The following AGBL4 variants were observed in gnomAD, a reference collection of about 807,000 sequenced individuals.
AGBL4 encodes cytosolic carboxypeptidase 6.
In AGBL4, 58 loss-of-function variants were observed where a neutral mutation model predicts 66.4. That is an observed-to-expected ratio of 0.87 (90% CI 0.71 to 1.09). The LOEUF (loss-of-function observed/expected upper bound fraction) is 1.09, where lower values mean the gene tolerates loss of function less well. Ranked by LOEUF, AGBL4 falls within the 50% of genes least tolerant of loss-of-function variation. The pLI, the probability that AGBL4 is intolerant of heterozygous loss-of-function variation, is 0.00. For missense variants in AGBL4, 579 were observed against 631.0 expected (o/e 0.92, Z 0.88); for synonymous variants, 234 against 222.9 (o/e 1.05, Z -0.44).
At chr1:49,761,761 A>G (rs75848644) in intron 2 of AGBL4, among the ~76,000 whole-genome samples, 12,366 of 152,266 alleles carry the variant, frequency 0.081, 708 homozygotes, top group African/African-American at 0.17. Flanking sequence ...ACTGTTAACC[A>G]TCATCACCTT....
chr1:48,762,614 T>TTG lies in AGBL4; in HGVS notation c.635-99375_635-99374dup, dbSNP rs58396843. Among the ~76,000 whole-genome samples, 524 of 75,120 alleles carry TTG rather than the reference T, an allele frequency of 7.0e-3. 6 individuals are homozygous for TTG. Among genetic ancestry groups the TTG allele is most frequent in the African/African-American group, 0.019 (470 of 25,266 alleles). The allele number at this position is 75,120 out of a possible 152,430, so 49.3% of individuals were successfully genotyped here. ...TAGTTAAATCCAGTCTTTAAGGGTT[T>TTG]TGTGTGTGTGTGTGTGTGTGTGTGT... On this transcript the variant is annotated intron_variant, in intron 6 of 13. Transcript: ENST00000371839.
chr1:49,263,567 T>C (rs1269584434), intron 3 of AGBL4, among the ~76,000 whole-genome samples: 2 of 152,096 alleles, frequency 1.3e-5, no homozygotes, highest in Non-Finnish European at 2.9e-5. Flanking sequence ...TGAGGAAATA[T>C]AAATTAAGAA....
At chr1:50,008,348 G>T (rs542018023) in intron 1 of AGBL4, among the ~76,000 whole-genome samples, 1 of 152,176 alleles carries the variant, frequency 6.6e-6, no homozygotes, top group South Asian at 2.1e-4. Context: ...AAAACTAGAA[G>T]TCAAGAACAA....
intron 1 of AGBL4, among the ~76,000 whole-genome samples, chr1:50,005,457 T>A (rs1661056771): frequency 6.6e-6 from 1 of 152,122 alleles, no homozygotes; most frequent in Non-Finnish European, 1.5e-5. Context: ...AATGCACATA[T>A]AGTTGCAGTA....
intron 5 of AGBL4, among the ~76,000 whole-genome samples, chr1:48,927,568 G>C (rs994991798): frequency 6.6e-6 from 1 of 152,168 alleles, no homozygotes; most frequent in Non-Finnish European, 1.5e-5. Flanking sequence ...TGTGGAGTGA[G>C]GATGAAGTCC....
chr1:49,028,497 T>C (rs1410876174), intron 5 of AGBL4, among the ~76,000 whole-genome samples: 1 of 152,164 alleles, frequency 6.6e-6, no homozygotes, highest in Non-Finnish European at 1.5e-5. Flanking sequence ...GATAAACTCA[T>C]GGAGATCCAC....
At chr1:48,953,659 T>A (rs1398479503) in intron 5 of AGBL4, among the ~76,000 whole-genome samples, 1 of 152,186 alleles carries the variant, frequency 6.6e-6, no homozygotes, top group Non-Finnish European at 1.5e-5. Context: ...GTTTTTTCCT[T>A]CTTTCAGTTG....
intron 1 of AGBL4, among the ~76,000 whole-genome samples, chr1:49,993,796 A>G (rs1337063377): frequency 7.1e-6 from 1 of 141,770 alleles, no homozygotes; most frequent in Non-Finnish European, 1.6e-5. Flanking sequence ...GTAGATCAAC[A>G]CTACAACTGG....
chr1:48,879,715 T>A (rs571622917), intron 5 of AGBL4, among the ~76,000 whole-genome samples: 1 of 152,290 alleles, frequency 6.6e-6, no homozygotes, highest in African/African-American at 2.4e-5. Flanking sequence ...TGTACCATAA[T>A]GCAGGTATTT....
intron 5 of AGBL4, among the ~76,000 whole-genome samples, chr1:48,962,226 A>T (rs943751641): frequency 1.3e-5 from 2 of 152,198 alleles, no homozygotes; most frequent in African/African-American, 2.4e-5. Context: ...TAGCCATGTG[A>T]TGTTGGCACA....
At chr1:48,742,492 A>G (rs1650069392) in intron 6 of AGBL4, 1 of 924,288 alleles carries the variant, frequency 1.1e-6, no homozygotes, top group Non-Finnish European at 1.5e-6. Context: ...AAATTCCAGA[A>G]ACAGTCATTC....
chr1:49,022,603 A>G (rs1224842298), intron 5 of AGBL4, among the ~76,000 whole-genome samples: 2 of 152,118 alleles, frequency 1.3e-5, no homozygotes, highest in East Asian at 3.9e-4. Context: ...AGCAGTAATG[A>G]GTTGGAGCTC....
intron 3 of AGBL4, among the ~76,000 whole-genome samples, chr1:49,422,125 T>C (rs1198020839): frequency 2.0e-5 from 3 of 152,204 alleles, no homozygotes; most frequent in African/African-American, 7.2e-5. Flanking sequence ...GGGCACTCTA[T>C]AGCCATAGAC....
chr1:49,722,979 T>A (rs1216496912), intron 2 of AGBL4, among the ~76,000 whole-genome samples: 1 of 152,096 alleles, frequency 6.6e-6, no homozygotes, highest in Non-Finnish European at 1.5e-5. Flanking sequence ...GCCTACTATA[T>A]GAACTCTACA....
the AGBL4 span, among the ~76,000 whole-genome samples, chr1:48,524,056 T>C: frequency 5.3e-5 from 8 of 152,294 alleles, no homozygotes; most frequent in African/African-American, 1.9e-4. Flanking sequence ...GGCTGAAACA[T>C]TGTGAGGTGG....
chr1:49,819,054 T>A (rs1296203071), intron 2 of AGBL4, among the ~76,000 whole-genome samples: 1 of 152,152 alleles, frequency 6.6e-6, no homozygotes, highest in African/African-American at 2.4e-5. Context: ...AAATAGTGCC[T>A]ATTTCATGGG....
In AGBL4 at chr1:49,520,473, G is replaced by T. The variant is rs192699297; in HGVS notation, c.282+176840C>A. Among the ~76,000 whole-genome samples the T allele has an allele frequency of 9.3e-4, 141 of 152,072 alleles. 2 individuals are homozygous for T. The highest frequency in any genetic ancestry group is 3.3e-3 in the African/African-American group (136 of 41,526). On this transcript the variant is annotated intron_variant, in intron 3 of 13. Transcript: ENST00000371839. ...TTAATGTTTGATATGATGAGAGTTA[G>T]AACTCAAAAAGTAAGAAAGCCTAGA...
chr1:48,979,241 G>A (rs1557522255), intron 5 of AGBL4, among the ~76,000 whole-genome samples: 1 of 152,040 alleles, frequency 6.6e-6, no homozygotes, highest in Non-Finnish European at 1.5e-5. Context: ...TCCTAAAACT[G>A]TAATTTTTAA....
At chr1:49,813,919 G>A (rs1204105934) in intron 2 of AGBL4, among the ~76,000 whole-genome samples, 3 of 152,020 alleles carry the variant, frequency 2.0e-5, no homozygotes, top group Admixed American at 6.6e-5. Flanking sequence ...TGAATCATGC[G>A]GGCAGGTCTT....
Sources: allele counts gnomAD v4.1 joint callset (sites outside exome capture counted in the v4.1 genomes callset), GRCh38; gene constraint gnomAD v4.1.1; transcripts MANE v1.5; gene names NCBI Gene and HGNC (gene_info 2026-07-23, HGNC 2026-07-21).